Variants in KLHL28 observed in about 807,000 individuals in gnomAD.
The protein encoded by KLHL28 is kelch like family member 28.
KLHL28 carries 22 observed loss-of-function variants against 48.3 expected under a neutral mutation model. The observed-to-expected ratio is 0.46, with a 90% confidence interval of 0.33 to 0.65. The LOEUF (loss-of-function observed/expected upper bound fraction) is 0.65. Among genes scored for constraint, KLHL28 ranks in the 30% least tolerant of loss-of-function variants. The pLI, the probability that KLHL28 is intolerant of heterozygous loss-of-function variation, is 0.03. For missense variants in KLHL28, 527 were observed against 704.3 expected (o/e 0.75, Z 2.85); for synonymous variants, 243 against 242.4 (o/e 1.00, Z -0.02).
intron 2 of KLHL28, among the ~76,000 whole-genome samples, chr14:44,943,656 T>A (rs1261502322): frequency 1.4e-5 from 2 of 147,436 alleles, no homozygotes; most frequent in Non-Finnish European, 3.0e-5. Context: ...AAACTCTGTA[T>A]CAAAAAAATA....
At chr14:44,938,538 A>AT (rs774739030) in intron 2 of KLHL28, among the ~76,000 whole-genome samples, 92 of 151,938 alleles carry the variant, frequency 6.1e-4, no homozygotes, top group Non-Finnish European at 1.2e-3. Context: ...CGCCCAGCTA[A>AT]TTTTTGTATT....
chr14:44,951,961 T>C (rs1356622865), intron 1 of KLHL28, among the ~76,000 whole-genome samples: 1 of 152,060 alleles, frequency 6.6e-6, no homozygotes, highest in Non-Finnish European at 1.5e-5. Context: ...TGGGCTCAGG[T>C]GATTCTCCCA....
intron 2 of KLHL28, among the ~76,000 whole-genome samples, chr14:44,936,600 T>A (rs562247502): frequency 6.6e-6 from 1 of 152,152 alleles, no homozygotes; most frequent in Admixed American, 6.5e-5. Context: ...ATAAACTGAT[T>A]AAGGAAATGT....
chr14:44,945,043 CAA>C lies in KLHL28; in HGVS notation c.884_885del (p.Phe295CysfsTer5). 6 of 1,599,848 alleles carry C rather than the reference CAA, an allele frequency of 3.8e-6. No individual in the cohort carries two copies. Among genetic ancestry groups the C allele is most frequent in the Non-Finnish European group, 5.1e-6 (6 of 1,168,782 alleles). Reference protein sequence around the residue: ...LCAVGGKSGLFACLDSVEMYF... With the variant: ...LCAVGGKSGLXACLDSVEMYF... ...CCTTCTATTTACCTATCCAAACAGG[CAA>C]AGAGTCCAGATTTCCCTCCTACTGC... On this transcript the variant is annotated frameshift_variant, in exon 2 of 5. Transcript: ENST00000396128. LOFTEE classifies it high-confidence loss of function.
intron 1 of KLHL28, among the ~76,000 whole-genome samples, chr14:44,952,046 A>G (rs1226446981): frequency 6.6e-6 from 1 of 152,004 alleles, no homozygotes; most frequent in African/African-American, 2.4e-5. Context: ...TTTTTTGTAG[A>G]GAAGGAGTTT....
At chr14:44,947,165 A>G (rs1884373689) in intron 1 of KLHL28, among the ~76,000 whole-genome samples, 1 of 152,204 alleles carries the variant, frequency 6.6e-6, no homozygotes, top group African/African-American at 2.4e-5. Flanking sequence ...CATGTACCTT[A>G]TAAGAAGGCA....
chr14:44,959,312 G>A (rs1170846146), intron 1 of KLHL28: 2 of 152,024 alleles, frequency 1.3e-5, no homozygotes, highest in Non-Finnish European at 2.9e-5. Context: ...TTCTTGTGAG[G>A]ATTAAATGAG....
chr14:44,936,734 C>A (rs953968900), intron 2 of KLHL28, among the ~76,000 whole-genome samples: 1 of 152,128 alleles, frequency 6.6e-6, no homozygotes, highest in Admixed American at 6.5e-5. Context: ...TTGAATTTAA[C>A]TAGATGAGTA....
At chr14:44,956,481 A>C (rs771723114) in intron 1 of KLHL28, among the ~76,000 whole-genome samples, 13 of 152,214 alleles carry the variant, frequency 8.5e-5, no homozygotes, top group Non-Finnish European at 1.8e-4. Flanking sequence ...AAGCAAATTA[A>C]ACTACAGCCA....
Position 44,945,554 on chromosome 14 carries a change from A to G in KLHL28, c.375T>C (p.Cys125=), listed in dbSNP as rs763719388. ...GATCAAGTTGGCTTTCAAGAAATGC[A>G]CAACATTCTTTCAGGACAAGTTTTA... is the stretch of plus-strand genomic sequence containing the variant. ...LQIKLVLKEC[C]AFLESQLDPG... The change falls in exon 2 of 5, where the codon TGT becomes TGC. Residue 125 remains cysteine, a synonymous_variant. Coordinates refer to ENST00000396128, the MANE Select transcript of KLHL28 (RefSeq NM_017658.5). 2.5e-6 allele frequency: 4 copies of G among 1,614,220 alleles called. No individual in the cohort carries two copies. The South Asian group carries it at 4.4e-5, about 18-fold the overall frequency.
chr14:44,953,489 G>C (rs1334177039), intron 1 of KLHL28: 1 of 152,364 alleles, frequency 6.6e-6, no homozygotes, highest in Non-Finnish European at 1.5e-5. Flanking sequence ...TAACATGTTA[G>C]CAAATTAAAG....
chr14:44,935,890 G>GTATATATATATATATA (rs139707349), intron 2 of KLHL28, among the ~76,000 whole-genome samples: 714 of 59,116 alleles, frequency 0.012, 82 homozygotes, highest in African/African-American at 0.025. Flanking sequence ...ATATATGTGT[G>GTATATATATATATATA]TATATATATA....
At chr14:44,960,803 G>T in intron 1 of KLHL28, 1 of 499,484 alleles carries the variant, frequency 2.0e-6, no homozygotes, top group Non-Finnish European at 3.2e-6. Flanking sequence ...ACTTGCATCA[G>T]CTGGGAGCAT....
At chr14:44,958,415 A>C (rs1474936685) in intron 1 of KLHL28, among the ~76,000 whole-genome samples, 1 of 152,046 alleles carries the variant, frequency 6.6e-6, no homozygotes, top group Non-Finnish European at 1.5e-5. Flanking sequence ...TCAAACCGAC[A>C]GTTTTCTTTA....
chr14:44,938,446 A>G (rs920294409), intron 2 of KLHL28, among the ~76,000 whole-genome samples: 4 of 151,286 alleles, frequency 2.6e-5, no homozygotes, highest in African/African-American at 7.3e-5. Flanking sequence ...ATCTCGGCTC[A>G]CTGCAAGCTC....
At chr14:44,935,254 C>T (rs562348435) in intron 2 of KLHL28, among the ~76,000 whole-genome samples, 5 of 152,160 alleles carry the variant, frequency 3.3e-5, no homozygotes, top group African/African-American at 9.6e-5. Context: ...ACAGGTAAAA[C>T]GAATCTCTGG....
At chr14:44,960,545 G>A (rs1180130739) in intron 1 of KLHL28, among the ~76,000 whole-genome samples, 6 of 152,068 alleles carry the variant, frequency 3.9e-5, no homozygotes, top group African/African-American at 1.4e-4. Flanking sequence ...TCACCTCCCT[G>A]TCTTTAACCT....
intron 2 of KLHL28, among the ~76,000 whole-genome samples, chr14:44,943,461 C>G (rs1399376765): frequency 6.6e-6 from 1 of 152,078 alleles, no homozygotes; most frequent in Non-Finnish European, 1.5e-5. Context: ...AGTTTGAGAT[C>G]GGCCTGACCA....
Position 44,945,889 on chromosome 14 carries a change from T to C in KLHL28, c.40A>G (p.Thr14Ala), listed in dbSNP as rs768375079. The C allele has an allele frequency of 1.2e-6, 2 of 1,613,834 alleles. No homozygotes were observed. The change falls in exon 2 of 5, where the codon ACC becomes GCC. Residue 14 changes from threonine to alanine, a missense_variant. Coordinates refer to ENST00000396128, the MANE Select transcript of KLHL28 (RefSeq NM_017658.5). ...AGAAGTTGTTCAGAATGCAAGTGGG[T>C]TAAGTTAGCAAGCATGTAGGTCGGG... ...TSPTYMLANL[T>A]HLHSEQLLQG...
Sources: allele counts gnomAD v4.1 joint callset (sites outside exome capture counted in the v4.1 genomes callset), GRCh38; gene constraint gnomAD v4.1.1; transcripts MANE v1.5; gene names NCBI Gene and HGNC (gene_info 2026-07-23, HGNC 2026-07-21).